Variants in TBC1D2B observed in about 807,000 individuals in gnomAD.
The protein encoded by TBC1D2B is TBC1 domain family, member 2B.
Under a neutral mutation model 100.8 loss-of-function variants are expected in TBC1D2B, and 64 were observed. That is an observed-to-expected ratio of 0.64 (90% CI 0.52 to 0.78). The LOEUF (loss-of-function observed/expected upper bound fraction) is 0.78. Ranked by LOEUF, TBC1D2B falls within the 30% of genes least tolerant of loss-of-function variation. The pLI is 0.00. For synonymous variants in TBC1D2B, 480 were observed against 479.7 expected (o/e 1.00, Z -0.01); for missense variants, 1,052 against 1,218.4 (o/e 0.86, Z 2.03).
chr15:78,047,115 C>T (rs1172591161), intron 2 of TBC1D2B, among the ~76,000 whole-genome samples: 7 of 151,256 alleles, frequency 4.6e-5, no homozygotes, highest in Middle Eastern at 3.5e-3. Flanking sequence ...AAAAGCAAGA[C>T]GGTGTGCTGG....
chr15:78,051,095 C>T (rs887501572), intron 2 of TBC1D2B, among the ~76,000 whole-genome samples: 1 of 152,192 alleles, frequency 6.6e-6, no homozygotes, highest in Non-Finnish European at 1.5e-5. Flanking sequence ...AATACAGAGT[C>T]AGAGACAGCT....
intron 6 of TBC1D2B, among the ~76,000 whole-genome samples, chr15:78,023,153 A>G (rs750678910): frequency 6.6e-6 from 1 of 152,224 alleles, no homozygotes; most frequent in Non-Finnish European, 1.5e-5. Flanking sequence ...CAACCTGGAC[A>G]GCAGCAAACC....
intron 10 of TBC1D2B, among the ~76,000 whole-genome samples, chr15:78,003,964 G>C (rs533404520): frequency 5.3e-5 from 8 of 152,310 alleles, no homozygotes; most frequent in South Asian, 4.2e-4. Flanking sequence ...CATGTGCAGT[G>C]GGGGTGGCGA....
In TBC1D2B at chr15:78,025,446, C is replaced by A; in HGVS notation, c.899G>T (p.Gly300Val). 1 of 1,613,880 alleles carries A rather than the reference C, an allele frequency of 6.2e-7. No homozygotes were observed. Among genetic ancestry groups the A allele is most frequent in the South Asian group, 1.1e-5 (1 of 91,068 alleles). ...PFDFGRNPYK[G>V]KRPLKDIIGS... ...AATTATGTCTTTCAAAGGGCGCTTT[C>A]CTTTGTAGGGGTTACGTCCAAAATC... Residue 300 changes from glycine to valine, a missense_variant, in exon 5 of 13, where the codon GGA (glycine) becomes GTA (valine). Transcript: ENST00000300584.
intron 5 of TBC1D2B, among the ~76,000 whole-genome samples, chr15:78,024,866 A>T (rs984692202): frequency 4.6e-5 from 7 of 152,208 alleles, no homozygotes; most frequent in Non-Finnish European, 8.8e-5. Flanking sequence ...GAACAATTAA[A>T]TGTAATTAGA....
At chr15:78,052,156 A>C (rs544928728) in intron 2 of TBC1D2B, among the ~76,000 whole-genome samples, 1 of 152,204 alleles carries the variant, frequency 6.6e-6, no homozygotes, top group East Asian at 1.9e-4. Context: ...AGCCATCCTG[A>C]CTGCAGCTCT....
At chr15:78,041,017 C>G (rs961530550) in intron 3 of TBC1D2B, among the ~76,000 whole-genome samples, 4 of 152,166 alleles carry the variant, frequency 2.6e-5, no homozygotes, top group Non-Finnish European at 4.4e-5. Context: ...CATCAGCTAA[C>G]TTTCCCAATT....
At chr15:78,044,211 A>G (rs1475674495) in intron 3 of TBC1D2B, among the ~76,000 whole-genome samples, 1 of 152,092 alleles carries the variant, frequency 6.6e-6, no homozygotes, top group Non-Finnish European at 1.5e-5. Flanking sequence ...TGGAAGCACA[A>G]CTCTGTGAAT....
chr15:78,019,118 A>G (rs2072449000), intron 6 of TBC1D2B, among the ~76,000 whole-genome samples: 1 of 152,096 alleles, frequency 6.6e-6, no homozygotes, highest in African/African-American at 2.4e-5. Flanking sequence ...CGGCTACAGA[A>G]ACTCCCCATC....
At chr15:78,030,372 G>A (rs1567022293) in intron 3 of TBC1D2B, among the ~76,000 whole-genome samples, 1 of 151,862 alleles carries the variant, frequency 6.6e-6, no homozygotes, top group Non-Finnish European at 1.5e-5. Flanking sequence ...TGCAATCTTG[G>A]CTCACTGCAA....
chr15:78,015,125 C>T (rs945304544), intron 8 of TBC1D2B, among the ~76,000 whole-genome samples: 1 of 152,016 alleles, frequency 6.6e-6, no homozygotes. Flanking sequence ...GGCGTGAACC[C>T]GGGAGGCGGA....
At chr15:78,066,286 C>T (rs1009081784) in intron 1 of TBC1D2B, among the ~76,000 whole-genome samples, 1 of 152,176 alleles carries the variant, frequency 6.6e-6, no homozygotes, top group African/African-American at 2.4e-5. Flanking sequence ...AGAGAGTCAA[C>T]CCGAGGATGG....
intron 3 of TBC1D2B, among the ~76,000 whole-genome samples, chr15:78,038,037 A>AC (rs958916835): frequency 1.3e-5 from 2 of 151,750 alleles, no homozygotes; most frequent in South Asian, 2.1e-4. Context: ...GTGTGGGCAG[A>AC]CCCCCCCACG....
chr15:78,001,911 A>G, intron 11 of TBC1D2B, 171 bp from the exon 12 acceptor site: 2 of 630,758 alleles, frequency 3.2e-6, no homozygotes, highest in South Asian at 4.8e-5. Context: ...GGCTAGGCCA[A>G]GACTCCTTTA....
intron 11 of TBC1D2B, chr15:78,002,973 A>T: frequency 5.3e-6 from 1 of 188,760 alleles, no homozygotes; most frequent in Non-Finnish European, 1.1e-5. Context: ...TCCCCTGCTT[A>T]TTAGATCTCT....
Position 78,034,412 on chromosome 15 carries a change from G to C in TBC1D2B, c.684-4242C>G, listed in dbSNP as rs569956619. 157 of 828,984 alleles carry C rather than the reference G, an allele frequency of 1.9e-4. No homozygotes were observed. The African/African-American group carries it at 2.7e-3, about 14-fold the overall frequency. 51.4% of individuals were successfully genotyped at this position (828,984 alleles called of 1,614,324 possible). A position where few individuals can be genotyped will look rare whatever the true frequency, so the allele number is the denominator to read the frequency against. On this transcript the variant is annotated intron_variant, in intron 3 of 12. Coordinates refer to ENST00000300584, the MANE Select transcript of TBC1D2B (RefSeq NM_144572.2). Reference sequence around the variant, plus strand: ...TGCCTACAGCAAGGATCTCACAGGAGCCTTCCCTCAGGTGGCATGTGACTA... The same window carrying C: ...TGCCTACAGCAAGGATCTCACAGGACCCTTCCCTCAGGTGGCATGTGACTA...
chr15:78,003,789 G>A (rs2071984630), intron 10 of TBC1D2B, among the ~76,000 whole-genome samples: 1 of 152,176 alleles, frequency 6.6e-6, no homozygotes, highest in Admixed American at 6.5e-5. Context: ...TGGGAAATAG[G>A]CCACTGCAAG....
intron 1 of TBC1D2B, among the ~76,000 whole-genome samples, chr15:78,076,012 G>T (rs1316479695): frequency 1.3e-5 from 2 of 152,138 alleles, no homozygotes; most frequent in Non-Finnish European, 2.9e-5. Flanking sequence ...CCTGGAATAC[G>T]GAAGAGGAGT....
rs145243820 is a variant in TBC1D2B at position 78,025,354 on chromosome 15, C to T, written c.991G>A (p.Val331Ile). Reference protein sequence around the residue: ...SSEGTSGSGSVSIRKPASEMQ... With the variant: ...SSEGTSGSGSISIRKPASEMQ... ...TCGGAGGCCGGCTTCCTGATGCTGA[C>T]GCTGCCACTGCCTGATGTGCCTTCA... The change falls in exon 5 of 13, where the codon GTC becomes ATC. Residue 331 changes from valine to isoleucine, a missense_variant. Physicochemically the swap from Val to Ile is conservative, Grantham distance 29 (BLOSUM62 3). This residue lies in a region of TBC1D2B where 627 missense variants were observed against 646.1 expected (regional missense o/e 0.97). Coordinates refer to ENST00000300584, the MANE Select transcript of TBC1D2B (RefSeq NM_144572.2). 1.1e-3 allele frequency: 1,743 copies of T among 1,613,898 alleles called. 4 individuals are homozygous for T. The highest frequency in any genetic ancestry group is 1.3e-3 in the Non-Finnish European group (1,508 of 1,179,890).
Sources: gnomAD v4.1 joint callset for allele counts (sites outside exome capture counted in the v4.1 genomes callset) on GRCh38, gnomAD v4.1.1 for gene constraint, gnomAD v4.1.1 regional missense constraint, MANE v1.5 for transcripts, NCBI Gene and HGNC (gene_info 2026-07-23, HGNC 2026-07-21) for gene names.